The following SPRED1 variants were observed in gnomAD, a reference collection of about 807,000 sequenced individuals.
The protein encoded by SPRED1 is sprouty related EVH1 domain containing 1.
SPRED1 carries 18 observed loss-of-function variants against 52.3 expected under a neutral mutation model. The observed-to-expected ratio is 0.34, with a 90% CI of 0.24 to 0.51. SPRED1 has a LOEUF of 0.51. Ranked by LOEUF, SPRED1 falls within the 20% of genes least tolerant of loss-of-function variation. The probability of loss-of-function intolerance (pLI) is 0.97; values close to 1 mark genes in which losing one functional copy is unlikely to be tolerated. For synonymous variants in SPRED1, 155 were observed against 179.7 expected (o/e 0.86, Z 1.10); for missense variants, 485 against 551.0 (o/e 0.88, Z 1.20).
At position 38,339,883 on chromosome 15, in the gene SPRED1, C is replaced by T. The variant is rs758617124; in HGVS notation, c.570C>T (p.Ser190=). ...DLNARRVYMQ[S]QANQITFGQP... is the part of the protein sequence containing the mutation. ...ATGCCAGAAGAGTCTACATGCAAAG[C>T]CAAGCCAATCAGGTAAGAAGATAAA... Residue 190 remains serine, a synonymous_variant, in exon 5 of 7, where the codon AGC becomes AGT. Coordinates refer to ENST00000299084, the MANE Select transcript of SPRED1 (RefSeq NM_152594.3). The T allele has an allele frequency of 5.0e-6, 8 of 1,613,824 alleles. No homozygotes were observed.
At chr15:38,295,825 T>C (rs1446992322) in intron 1 of SPRED1, among the ~76,000 whole-genome samples, 4 of 152,152 alleles carry the variant, frequency 2.6e-5, no homozygotes, top group Admixed American at 6.6e-5. Flanking sequence ...TCTAGACTCA[T>C]ACATGTGTCA....
rs1372121751 is a variant in SPRED1, at chr15:38,354,138, T to C, written c.*2474T>C. 1.3e-5 allele frequency: 2 copies of C among 152,496 alleles called. No individual in the cohort carries two copies. The highest frequency in any genetic ancestry group is 2.4e-5 in the African/African-American group (1 of 41,454). The allele number at this position is 152,496 out of a possible 1,614,324, so 9.4% of individuals were successfully genotyped here. A position where few individuals can be genotyped will look rare whatever the true frequency, so the allele number is the denominator to read the frequency against. On this transcript the variant is annotated 3_prime_UTR_variant, in exon 7 of 7. Coordinates refer to ENST00000299084, the MANE Select transcript of SPRED1 (RefSeq NM_152594.3). Reference sequence around the variant, plus strand: ...AAGACTAACTGATGATATAATGTTCTCTGAATCCCTATATGGAAATTTTCT... The same window carrying C: ...AAGACTAACTGATGATATAATGTTCCCTGAATCCCTATATGGAAATTTTCT...
intron 1 of SPRED1, among the ~76,000 whole-genome samples, chr15:38,278,093 A>T (rs1346932943): frequency 1.3e-5 from 2 of 152,212 alleles, no homozygotes; most frequent in Non-Finnish European, 2.9e-5. Flanking sequence ...AAGAGAAGGT[A>T]GAACTATTTG....
chr15:38,325,377 T>C (rs902472780), intron 4 of SPRED1, among the ~76,000 whole-genome samples: 2 of 152,206 alleles, frequency 1.3e-5, no homozygotes, highest in African/African-American at 4.8e-5. Flanking sequence ...TATTCTGAAA[T>C]TTGAAACAGT....
chr15:38,353,724 G>A lies in SPRED1; in HGVS notation c.*2060G>A, dbSNP rs1888546110. The A allele has an allele frequency of 6.6e-6, 1 of 152,536 alleles. No individual in the cohort carries two copies. The highest frequency in any genetic ancestry group is 1.5e-5 in the Non-Finnish European group (1 of 67,972). The allele number at this position is 152,536 out of a possible 1,614,324, so 9.4% of individuals were successfully genotyped here. A position where few individuals can be genotyped will look rare whatever the true frequency, so the allele number is the denominator to read the frequency against. ...GAATTTTCATATTTGTAAGTGCTAA[G>A]TTTATAATTCAGGTTTGATCAAGGT... On this transcript the variant is annotated 3_prime_UTR_variant, in exon 7 of 7. Transcript: ENST00000299084.
intron 1 of SPRED1, among the ~76,000 whole-genome samples, chr15:38,295,275 A>T (rs912813693): frequency 2.7e-5 from 4 of 150,746 alleles, no homozygotes; most frequent in Admixed American, 6.6e-5. Flanking sequence ...GATAAACTTT[A>T]AAAAAAATCA....
intron 2 of SPRED1, among the ~76,000 whole-genome samples, chr15:38,313,231 A>G (rs1895405302): frequency 6.6e-6 from 1 of 152,016 alleles, no homozygotes; most frequent in Non-Finnish European, 1.5e-5. Flanking sequence ...ACAACCGTCC[A>G]TGTAATGTTC....
chr15:38,300,750 T>G (rs937453159), intron 2 of SPRED1, among the ~76,000 whole-genome samples: 1 of 152,144 alleles, frequency 6.6e-6, no homozygotes, highest in Non-Finnish European at 1.5e-5. Flanking sequence ...AAGTGAAATA[T>G]GATAAATATG....
In SPRED1 at chr15:38,324,932, C is replaced by G. The variant is rs538520255; in HGVS notation, c.423+123C>G. 2.0e-5 allele frequency: 17 copies of G among 870,600 alleles called. 1 individual carries two copies. Among genetic ancestry groups the G allele is most frequent in the Non-Finnish European group, 3.1e-5 (17 of 542,856 alleles). 53.9% of individuals were successfully genotyped at this position (870,600 alleles called of 1,614,324 possible). On this transcript the variant is annotated intron_variant, in intron 4 of 6. Transcript: ENST00000299084. ...AGACACTCTATTTGTCAGATTTCTC[C>G]AGAAGAAAAGAACCAATACAGGTTG...
At position 38,351,448 on chromosome 15, in the gene SPRED1, G is replaced by C. The variant is rs1085307754; in HGVS notation, c.1119G>C (p.Glu373Asp). 17 of 1,614,034 alleles carry C rather than the reference G, an allele frequency of 1.1e-5. No individual in the cohort carries two copies. The highest frequency in any genetic ancestry group is 1.4e-5 in the Non-Finnish European group (16 of 1,180,030). ...AAGTTAGTTGCATGCTCTGTGCAGA[G>C]AGCATGTTGTATCATTGTATGTCAG... ...IYQVSCMLCA[E>D]SMLYHCMSDS... The change falls in exon 7 of 7, where the codon GAG (glutamate) becomes GAC (aspartate). Residue 373 changes from glutamate to aspartate, a missense_variant. Physicochemically the swap from Glu to Asp is conservative, Grantham distance 45 (BLOSUM62 2). Coordinates refer to ENST00000299084, the MANE Select transcript of SPRED1 (RefSeq NM_152594.3).
chr15:38,320,812 C>G (rs1895586192), intron 2 of SPRED1, among the ~76,000 whole-genome samples: 1 of 152,058 alleles, frequency 6.6e-6, no homozygotes, highest in Non-Finnish European at 1.5e-5. Context: ...GCAAAGATCA[C>G]TAATATATCC....
At chr15:38,261,765 A>G (rs1171888396) in intron 1 of SPRED1, among the ~76,000 whole-genome samples, 1 of 152,198 alleles carries the variant, frequency 6.6e-6, no homozygotes, top group Non-Finnish European at 1.5e-5. Flanking sequence ...ATTTAGTGAT[A>G]CTATTGCATG....
At chr15:38,323,200 G>A (rs1895639363) in intron 3 of SPRED1, among the ~76,000 whole-genome samples, 1 of 152,074 alleles carries the variant, frequency 6.6e-6, no homozygotes, top group Non-Finnish European at 1.5e-5. Context: ...AACATAAACT[G>A]TGAGACCAGT....
At chr15:38,320,818 T>C (rs1207220108) in intron 2 of SPRED1, among the ~76,000 whole-genome samples, 6 of 152,210 alleles carry the variant, frequency 3.9e-5, no homozygotes, top group Non-Finnish European at 7.3e-5. Context: ...ATCACTAATA[T>C]ATCCACTTTT....
intron 4 of SPRED1, among the ~76,000 whole-genome samples, chr15:38,335,408 G>T (rs1480938991): frequency 2.0e-5 from 3 of 152,128 alleles, no homozygotes; most frequent in Non-Finnish European, 2.9e-5. Context: ...GATAATGAGG[G>T]CTTTGCACTA....
intron 1 of SPRED1, among the ~76,000 whole-genome samples, chr15:38,265,885 G>C (rs1251867266): frequency 6.6e-6 from 1 of 152,060 alleles, no homozygotes; most frequent in Non-Finnish European, 1.5e-5. Flanking sequence ...AGTTATTAAA[G>C]GTTTAGAATT....
At position 38,351,769 on chromosome 15, in the gene SPRED1, A is replaced by G. The variant is rs545295358; in HGVS notation, c.*105A>G. 2.6e-4 allele frequency: 364 copies of G among 1,374,114 alleles called. 1 individual carries two copies. In the Middle Eastern group the frequency reaches 2.7e-3, roughly 10 times the overall value. The allele number at this position is 1,374,114 out of a possible 1,614,324, so 85.1% of individuals were successfully genotyped here. A position where few individuals can be genotyped will look rare whatever the true frequency, so the allele number is the denominator to read the frequency against. The stretch of plus-strand genomic sequence containing the variant: ...GCAATATGGAATCTTGCCTGGTATC[A>G]TTGAGCCCACACATGGAGGAAGCAG... On this transcript the variant is annotated 3_prime_UTR_variant, in exon 7 of 7. Transcript: ENST00000299084.
At position 38,298,694 on chromosome 15, in the gene SPRED1, T is replaced by G. The variant is rs1895090068; in HGVS notation, c.33-679T>G. The G allele has an allele frequency of 1.4e-5, 3 of 221,016 alleles. No homozygotes were observed. The South Asian group carries it at 1.7e-4, about 13-fold the overall frequency. The allele number at this position is 221,016 out of a possible 1,614,324, so 13.7% of individuals were successfully genotyped here. On this transcript the variant is annotated intron_variant, in intron 1 of 6. Transcript: ENST00000299084. ...CCTGTATTTTGATTATCATGTTGAT[T>G]ATACATGTGTCTTATTCTCTTTGGA...
At chr15:38,262,435 G>T (rs1487408266) in intron 1 of SPRED1, among the ~76,000 whole-genome samples, 1 of 152,194 alleles carries the variant, frequency 6.6e-6, no homozygotes, top group African/African-American at 2.4e-5. Context: ...GGAAAGAAGT[G>T]GCATTTTAAG....
Sources: allele counts gnomAD v4.1 joint callset (sites outside exome capture counted in the v4.1 genomes callset), GRCh38; gene constraint gnomAD v4.1.1; transcripts MANE v1.5; gene names NCBI Gene and HGNC (gene_info 2026-07-23, HGNC 2026-07-21).